The following HTRA3 variants were observed in gnomAD, a reference collection of about 807,000 sequenced individuals.
HTRA3 encodes the protein HtrA serine peptidase 3.
In HTRA3, 41 loss-of-function variants were observed where a neutral mutation model predicts 43.2. That is an observed-to-expected ratio of 0.95 (90% CI 0.74 to 1.23). HTRA3 has a LOEUF of 1.23. HTRA3 is among the 50% of genes most tolerant of loss of function. The probability of loss-of-function intolerance (pLI) is 0.00; values close to 1 mark genes in which losing one functional copy is unlikely to be tolerated. For synonymous variants in HTRA3, 295 were observed against 287.9 expected (o/e 1.02, Z -0.25); for missense variants, 628 against 647.1 (o/e 0.97, Z 0.32).
In HTRA3 at chr4:8,306,090, G is replaced by T. The variant is rs772833175; in HGVS notation, c.1316G>T (p.Gly439Val). 1.2e-6 allele frequency: 2 copies of T among 1,608,390 alleles called. No homozygotes were observed. Among genetic ancestry groups the T allele is most frequent in the South Asian group, 1.1e-5 (1 of 90,748 alleles). Residue 439 changes from glycine (G) to valine (V), a missense_variant, in exon 9 of 9, where the codon GGG (glycine) becomes GTG (valine). Transcript: ENST00000307358. The surrounding 1 kb of genome is among the most constrained non-coding windows in gnomAD (Gnocchi z 8.9). ...ESPLLLEVRRGNDDLLFSIAP... is the reference protein window; with the variant it reads ...ESPLLLEVRRVNDDLLFSIAP... ...CCTCTCCTACTGGAGGTGCGGCGGGGGAACGACGACCTCCTCTTCAGCATC... is the reference window on the plus strand; with the variant it reads ...CCTCTCCTACTGGAGGTGCGGCGGGTGAACGACGACCTCCTCTTCAGCATC...
chr4:8,293,925 C>A (rs944429918), intron 5 of HTRA3, among the ~76,000 whole-genome samples, 162 bp from the exon 6 acceptor site: 1 of 151,960 alleles, frequency 6.6e-6, no homozygotes, highest in Non-Finnish European at 1.5e-5. Context: ...GTCACTGACA[C>A]AGGTGTGATC....
chr4:8,305,049 G>A (rs937073714), intron 8 of HTRA3, among the ~76,000 whole-genome samples: 8 of 152,162 alleles, frequency 5.3e-5, no homozygotes, highest in Non-Finnish European at 1.0e-4. Flanking sequence ...GGCGTGCAGC[G>A]ACACTACCAC....
rs780489902 is a variant in HTRA3 at position 8,306,136 on chromosome 4, A to AG, written c.*4dup. 1.1e-5 allele frequency: 17 copies of AG among 1,571,206 alleles called. No homozygotes were observed. Among genetic ancestry groups the AG allele is most frequent in the Non-Finnish European group, 1.5e-5 (17 of 1,153,750 alleles). ...GCATCGCACCTGAGGTGGTCATGTG[A>AG]GGGGCGCATTCCTCCAGCGCCAAGC... On this transcript the variant is annotated 3_prime_UTR_variant, in exon 9 of 9. Transcript: ENST00000307358. The surrounding 1 kb of genome is among the most constrained non-coding windows in gnomAD (Gnocchi z 8.9).
At chr4:8,300,204 T>C (rs1048756629) in intron 6 of HTRA3, among the ~76,000 whole-genome samples, 6 of 152,252 alleles carry the variant, frequency 3.9e-5, no homozygotes, top group African/African-American at 1.4e-4. Context: ...TCTGTTTTCA[T>C]GAGGGATATT....
intron 1 of HTRA3, among the ~76,000 whole-genome samples, chr4:8,274,566 T>C (rs1712441472): frequency 6.6e-6 from 1 of 152,222 alleles, no homozygotes; most frequent in Non-Finnish European, 1.5e-5. Flanking sequence ...GGGCCCTTCT[T>C]GCATCCCTCC....
chr4:8,281,051 A>G (rs1712723788), intron 1 of HTRA3, among the ~76,000 whole-genome samples: 1 of 152,122 alleles, frequency 6.6e-6, no homozygotes, highest in Non-Finnish European at 1.5e-5. Context: ...CTTCTTACAG[A>G]GCCTCAGTGT....
chr4:8,275,315 T>G (rs1262923087), intron 1 of HTRA3, among the ~76,000 whole-genome samples: 2 of 152,174 alleles, frequency 1.3e-5, no homozygotes, highest in Admixed American at 1.3e-4. Flanking sequence ...TGAAGGGACT[T>G]GGCGAGACCC....
chr4:8,302,827 G>A (rs1217205943), intron 7 of HTRA3, among the ~76,000 whole-genome samples: 1 of 152,210 alleles, frequency 6.6e-6, no homozygotes, highest in Admixed American at 6.5e-5. Flanking sequence ...TGAAGTCAAG[G>A]GGTCGGCAGG....
intron 6 of HTRA3, among the ~76,000 whole-genome samples, chr4:8,301,058 C>T (rs181805220): frequency 1.6e-4 from 22 of 138,334 alleles, no homozygotes; most frequent in Non-Finnish European, 2.1e-4. Flanking sequence ...GCTTTATTAT[C>T]GATTCACACT....
chr4:8,272,619 C>G (rs894002155), intron 1 of HTRA3, among the ~76,000 whole-genome samples: 1 of 152,228 alleles, frequency 6.6e-6, no homozygotes, highest in Non-Finnish European at 1.5e-5. Context: ...ATCACTGTGG[C>G]GACCGACCCA....
At chr4:8,305,879 A>G in intron 8 of HTRA3, 92 bp from the exon 9 acceptor site, 3 of 1,409,196 alleles carry the variant, frequency 2.1e-6, no homozygotes, top group Non-Finnish European at 3.0e-6. Context: ...AAATGTTGTC[A>G]TTGACCCTGA....
intron 3 of HTRA3, among the ~76,000 whole-genome samples, chr4:8,288,998 G>A (rs551817375): frequency 1.3e-5 from 2 of 148,260 alleles, no homozygotes; most frequent in East Asian, 2.0e-4. Context: ...TGCCCAGGCT[G>A]GAGTGCAGTG....
At chr4:8,278,300 G>A (rs919961400) in intron 1 of HTRA3, among the ~76,000 whole-genome samples, 5 of 151,720 alleles carry the variant, frequency 3.3e-5, no homozygotes, top group African/African-American at 9.7e-5. Flanking sequence ...ATGTGACACC[G>A]GACACCTAGC....
intron 3 of HTRA3, among the ~76,000 whole-genome samples, chr4:8,288,402 T>C (rs1304111373): frequency 2.6e-5 from 4 of 151,704 alleles, no homozygotes; most frequent in Non-Finnish European, 2.9e-5. Flanking sequence ...GCCCCCCGAG[T>C]AGCTAGGATC....
At chr4:8,273,437 C>T (rs1447711133) in intron 1 of HTRA3, among the ~76,000 whole-genome samples, 1 of 152,126 alleles carries the variant, frequency 6.6e-6, no homozygotes, top group Non-Finnish European at 1.5e-5. Context: ...GTTCCTTGTG[C>T]TCTCCTCTCC....
Position 8,286,767 on chromosome 4 carries a change from T to C in HTRA3, c.692T>C (p.Ile231Thr), listed in dbSNP as rs1712997276. Residue 231 changes from isoleucine (I) to threonine (T), a missense_variant, in exon 3 of 9, where the codon ATC becomes ACC. Transcript: ENST00000307358. This position sits in a 1 kb window ranked among gnomAD's most constrained non-coding sequence, Gnocchi z 4.9. ...DIDKKSDIATIKIHPKKKLPV... is the reference protein window; with the variant it reads ...DIDKKSDIATTKIHPKKKLPV... The stretch of plus-strand genomic sequence containing the variant: ...GACAAGAAGTCGGACATTGCCACCA[T>C]CAAGATCCATCCCAAGGTGGGTGGG... 6.2e-7 allele frequency: 1 copy of C among 1,613,536 alleles called. No homozygotes were observed. Among genetic ancestry groups the C allele is most frequent in the African/African-American group, 1.3e-5 (1 of 74,888 alleles).
At chr4:8,299,306 A>C (rs1713558982) in intron 6 of HTRA3, among the ~76,000 whole-genome samples, 1 of 152,238 alleles carries the variant, frequency 6.6e-6, no homozygotes, top group East Asian at 1.9e-4. Flanking sequence ...AGAATATTCA[A>C]ATTAAAATGA....
intron 5 of HTRA3, among the ~76,000 whole-genome samples, chr4:8,292,713 C>T (rs921078107): frequency 6.6e-6 from 1 of 152,198 alleles, no homozygotes; most frequent in African/African-American, 2.4e-5. Context: ...TCTCCCCTTC[C>T]CAGTTGTGTC....
In HTRA3 at chr4:8,286,562, C is replaced by A; in HGVS notation, c.487C>A (p.His163Asn). 6.2e-7 allele frequency: 1 copy of A among 1,613,390 alleles called. No homozygotes were observed. Among genetic ancestry groups the A allele is most frequent in the Non-Finnish European group, 8.5e-7 (1 of 1,179,868 alleles). ...AVVHIELFLR[H>N]PLFGRNVPLS... The stretch of plus-strand genomic sequence containing the variant: ...CCGCCTGTGTCTCCCTGGCTGCAGA[C>A]ACCCGCTGTTTGGCCGCAACGTGCC... Residue 163 changes from histidine (H) to asparagine (N), a missense_variant and splice_region_variant, in exon 3 of 9, where the codon CAC (histidine) becomes AAC (asparagine). Coordinates refer to ENST00000307358, the MANE Select transcript of HTRA3 (RefSeq NM_053044.5). This position sits in a 1 kb window ranked among gnomAD's most constrained non-coding sequence, Gnocchi z 4.9.
Sources: allele counts gnomAD v4.1 joint callset (sites outside exome capture counted in the v4.1 genomes callset), GRCh38; gene constraint gnomAD v4.1.1; non-coding constraint Gnocchi (gnomAD v3.1); transcripts MANE v1.5; gene names NCBI Gene and HGNC (gene_info 2026-07-23, HGNC 2026-07-21).